Variants in AKAP12 observed in about 807,000 individuals in gnomAD.
AKAP12 encodes A-kinase anchoring protein 12.
In AKAP12, 32 loss-of-function variants were observed where a neutral mutation model predicts 79.9. That is an observed-to-expected ratio of 0.40 (90% CI 0.30 to 0.54). The LOEUF is 0.54. AKAP12 is among the 20% of genes least tolerant of loss of function. The probability of loss-of-function intolerance (pLI) is 0.48; values close to 1 mark genes in which losing one functional copy is unlikely to be tolerated. For synonymous variants in AKAP12, 808 were observed against 857.0 expected, an observed-to-expected ratio of 0.94 and a Z score of 1.00; for missense variants, 2,074 against 2,177.0, an observed-to-expected ratio of 0.95 and a Z score of 0.94.
At chr6:151,305,339 C>G (rs1246542699) in intron 2 of AKAP12, among the ~76,000 whole-genome samples, 1 of 152,144 alleles carries the variant, frequency 6.6e-6, no homozygotes, top group Non-Finnish European at 1.5e-5. Flanking sequence ...TAACCTGCAT[C>G]TAATCACAAG....
intron 3 of AKAP12, among the ~76,000 whole-genome samples, chr6:151,319,476 TC>T (rs1777314834): frequency 1.4e-5 from 2 of 144,536 alleles, no homozygotes; most frequent in Non-Finnish European, 3.0e-5. Context: ...TATCTATCTA[TC>T]TATCTATCTA....
chr6:151,287,300 C>A lies in AKAP12; in HGVS notation c.163-18447C>A, dbSNP rs182949880. Among the ~76,000 whole-genome samples, 209 of 152,048 alleles carry A rather than the reference C, an allele frequency of 1.4e-3. 1 individual carries two copies. Among genetic ancestry groups the A allele is most frequent in the African/African-American group, 4.5e-3 (188 of 41,464 alleles). On this transcript the variant is annotated intron_variant, in intron 2 of 4. Coordinates refer to ENST00000402676, the MANE Select transcript of AKAP12 (RefSeq NM_005100.4). ...TCTGAGACGGGGTGTTGCTCTGTTG[C>A]CCAGGCTGGAGTACAGTGGCACAAT...
At chr6:151,248,267 A>ATTTT (rs112053514) in intron 2 of AKAP12, among the ~76,000 whole-genome samples, 35 of 140,804 alleles carry the variant, frequency 2.5e-4, no homozygotes, top group Admixed American at 7.9e-4. Context: ...GGATTCTGTG[A>ATTTT]TTTTTTTTTT....
At chr6:151,251,687 T>C (rs1222021941) in intron 2 of AKAP12, among the ~76,000 whole-genome samples, 1 of 152,164 alleles carries the variant, frequency 6.6e-6, no homozygotes, top group Non-Finnish European at 1.5e-5. Flanking sequence ...TAATAACAAC[T>C]TGGGACTTTA....
At chr6:151,255,380 C>T (rs1298018055) in intron 2 of AKAP12, among the ~76,000 whole-genome samples, 4 of 151,936 alleles carry the variant, frequency 2.6e-5, no homozygotes, top group Non-Finnish European at 2.9e-5. Context: ...AGGGTGGTCT[C>T]GAACTCCTGA....
intron 3 of AKAP12, among the ~76,000 whole-genome samples, chr6:151,331,400 A>G (rs1158754015): frequency 6.6e-6 from 1 of 152,218 alleles, no homozygotes; most frequent in South Asian, 2.1e-4. Context: ...TGTTCAGTCC[A>G]GGAAGTATCT....
Position 151,352,175 on chromosome 6 carries a change from G to A in AKAP12, c.3784G>A (p.Glu1262Lys). 1.2e-6 allele frequency: 2 copies of A among 1,614,152 alleles called. No homozygotes were observed. The highest frequency in any genetic ancestry group is 1.7e-6 in the Non-Finnish European group (2 of 1,180,014). Residue 1262 changes from glutamate (E) to lysine (K), a missense_variant, in exon 4 of 5, where the codon GAG (glutamate) becomes AAG (lysine). Physicochemically the swap from Glu to Lys is moderately conservative, Grantham distance 56. Transcript: ENST00000402676. Reference protein sequence around the residue: ...VETVSILSKTEGTQEADQYAD... With the variant: ...VETVSILSKTKGTQEADQYAD... ...AACTGTATCCATTCTGTCAAAGACT[G>A]AGGGGACTCAAGAGGCTGACCAGTA...
At chr6:151,300,358 G>C (rs1269885786) in intron 2 of AKAP12, among the ~76,000 whole-genome samples, 1 of 152,186 alleles carries the variant, frequency 6.6e-6, no homozygotes, top group Non-Finnish European at 1.5e-5. Flanking sequence ...CTCGTCTACT[G>C]TGTGAACTGC....
chr6:151,245,102 T>TA (rs1370094819), intron 2 of AKAP12, among the ~76,000 whole-genome samples: 1 of 152,236 alleles, frequency 6.6e-6, no homozygotes, highest in East Asian at 1.9e-4. Flanking sequence ...GTTTTGTTTT[T>TA]AAAAATGCTA....
chr6:151,252,068 G>A (rs1324145801), intron 2 of AKAP12, among the ~76,000 whole-genome samples: 3 of 152,214 alleles, frequency 2.0e-5, no homozygotes, highest in East Asian at 1.9e-4. Context: ...GATAATGACA[G>A]AGGGCTTCCG....
At chr6:151,265,934 TG>T (rs1797542714) in intron 2 of AKAP12, among the ~76,000 whole-genome samples, 1 of 152,226 alleles carries the variant, frequency 6.6e-6, no homozygotes, top group African/African-American at 2.4e-5. Flanking sequence ...TTCCTTTAGT[TG>T]GTCTTTTTGT....
chr6:151,299,210 G>A (rs921349747), intron 2 of AKAP12, among the ~76,000 whole-genome samples: 2 of 152,208 alleles, frequency 1.3e-5, no homozygotes, highest in Non-Finnish European at 2.9e-5. Context: ...TACATTTGGA[G>A]ATGATATAAA....
intron 3 of AKAP12, among the ~76,000 whole-genome samples, chr6:151,329,178 G>A (rs954967933): frequency 3.9e-5 from 6 of 151,926 alleles, no homozygotes; most frequent in Non-Finnish European, 7.4e-5. Context: ...GCAGTGGCGC[G>A]ATCTCAGCTC....
chr6:151,305,919 A>G lies in AKAP12; in HGVS notation c.319+16A>G, dbSNP rs1307283083. The G allele has an allele frequency of 6.3e-6, 10 of 1,590,000 alleles. No individual in the cohort carries two copies. The highest frequency in any genetic ancestry group is 8.6e-6 in the Non-Finnish European group (10 of 1,167,820). The stretch of plus-strand genomic sequence containing the variant: ...GTCACAGAGGGTAAGCCGCCCCTCC[A>G]GGAACTGGAAGGCACACAGCACTTG... On this transcript the variant is annotated intron_variant, in intron 3 of 4. Transcript: ENST00000402676.
intron 2 of AKAP12, among the ~76,000 whole-genome samples, chr6:151,253,529 A>G (rs1404142443): frequency 7.9e-5 from 12 of 152,070 alleles, no homozygotes; most frequent in Admixed American, 5.2e-4. Flanking sequence ...CCCGGCCAAA[A>G]CAGTCTTATT....
intron 3 of AKAP12, among the ~76,000 whole-genome samples, chr6:151,342,227 A>G (rs1159352681): frequency 6.6e-6 from 1 of 152,222 alleles, no homozygotes; most frequent in African/African-American, 2.4e-5. Context: ...AGGCCTCAAC[A>G]CTTGGGCTGC....
At chr6:151,274,432 G>T (rs909152872) in intron 2 of AKAP12, among the ~76,000 whole-genome samples, 6 of 152,036 alleles carry the variant, frequency 3.9e-5, no homozygotes, top group Admixed American at 3.9e-4. Context: ...GAGGAGGTGG[G>T]GGGGTTGGGT....
intron 2 of AKAP12, among the ~76,000 whole-genome samples, chr6:151,263,209 C>G (rs1271404451): frequency 6.6e-6 from 1 of 152,032 alleles, no homozygotes; most frequent in Non-Finnish European, 1.5e-5. Context: ...CTAATTTATA[C>G]ATTTTTTGAG....
chr6:151,324,413 C>T (rs1777472889), intron 3 of AKAP12: 1 of 985,392 alleles, frequency 1.0e-6, no homozygotes, highest in Non-Finnish European at 1.2e-6. Context: ...TGGTGCATCG[C>T]GCCCCCTGGT....
Sources: allele counts gnomAD v4.1 joint callset (sites outside exome capture counted in the v4.1 genomes callset), GRCh38; gene constraint gnomAD v4.1.1; transcripts MANE v1.5; gene names NCBI Gene and HGNC (gene_info 2026-07-23, HGNC 2026-07-21).